Variants in TUBB4B observed in about 807,000 individuals in gnomAD.
TUBB4B encodes tubulin beta-4B chain.
Under a neutral mutation model 34.3 loss-of-function variants are expected in TUBB4B, and 7 were observed. The ratio of observed to expected loss-of-function variants is 0.20; its 90% CI spans 0.12 to 0.38. The LOEUF is 0.38. Ranked by LOEUF, TUBB4B falls within the 10% of genes least tolerant of loss-of-function variation. The probability of loss-of-function intolerance (pLI) is 1.00; values close to 1 mark genes in which losing one functional copy is unlikely to be tolerated. For synonymous variants in TUBB4B, 390 were observed against 250.2 expected, an observed-to-expected ratio of 1.56 and a Z score of -5.27; for missense variants, 178 against 610.9, an observed-to-expected ratio of 0.29 and a Z score of 7.47.
rs773245695 is a variant in TUBB4B at position 137,243,106 on chromosome 9, C to T, written c.888C>T (p.Ala296=). 3.1e-5 allele frequency: 50 copies of T among 1,612,882 alleles called. No individual in the cohort carries two copies. Among genetic ancestry groups the T allele is most frequent in the Non-Finnish European group, 4.1e-5 (48 of 1,180,042 alleles). The change falls in exon 4 of 4, where the codon GCC becomes GCT. Residue 296 remains alanine, a synonymous_variant. Coordinates refer to ENST00000340384, the MANE Select transcript of TUBB4B (RefSeq NM_006088.6). ...VPELTQQMFD[A]KNMMAACDPR... ...AGCTCACCCAGCAGATGTTTGATGC[C>T]AAGAACATGATGGCTGCCTGCGACC...
At position 137,243,518 on chromosome 9, in the gene TUBB4B, G is replaced by A. The variant is rs1836801436; in HGVS notation, c.1300G>A (p.Gly434Ser). ...QYQDATAEEE[G>S]EFEEEAEEEV... ...CCAGGATGCCACAGCCGAGGAGGAG[G>A]GCGAGTTCGAGGAGGAGGCTGAGGA... Residue 434 changes from glycine to serine, a missense_variant, in exon 4 of 4, where the codon GGC becomes AGC. Gly to Ser is a moderately conservative substitution (Grantham distance 56). Transcript: ENST00000340384. 1.2e-6 allele frequency: 2 copies of A among 1,613,970 alleles called. No homozygotes were observed. Among genetic ancestry groups the A allele is most frequent in the Non-Finnish European group, 8.5e-7 (1 of 1,180,028 alleles).
At chr9:137,241,583 G>T (rs960521280) in intron 1 of TUBB4B, 138 bp from the exon 2 acceptor site, 1 of 775,274 alleles carries the variant, frequency 1.3e-6, no homozygotes, top group Non-Finnish European at 1.6e-6. Flanking sequence ...CCAGGAACCC[G>T]GCGGCCAGGG....
intron 3 of TUBB4B, 95 bp from the exon 4 acceptor site, chr9:137,242,401 T>C: frequency 7.0e-7 from 1 of 1,436,086 alleles, no homozygotes; most frequent in Non-Finnish European, 9.5e-7. Flanking sequence ...AATTCTGTGG[T>C]CAGCTCACAC....
rs1446513007 is a variant in TUBB4B at position 137,243,550 on chromosome 9, G to A, written c.1332G>A (p.Val444=). ...TCGAGGAGGAGGCTGAGGAGGAGGT[G>A]GCCTAGAGCCTTCAGTCACTGGGGA... ...GEFEEEAEEE[V]A is the part of the protein sequence containing the mutation. Residue 444 remains valine (V), a synonymous_variant, in exon 4 of 4, where the codon GTG becomes GTA. Coordinates refer to ENST00000340384, the MANE Select transcript of TUBB4B (RefSeq NM_006088.6). 1.2e-6 allele frequency: 2 copies of A among 1,613,848 alleles called. No individual in the cohort carries two copies. The highest frequency in any genetic ancestry group is 2.2e-5 in the South Asian group (2 of 91,086).
chr9:137,242,451 T>C, intron 3 of TUBB4B, 45 bp from the exon 4 acceptor site: 1 of 1,590,070 alleles, frequency 6.3e-7, no homozygotes. Flanking sequence ...TGACCAGTAG[T>C]GCTGTCTACC....
Position 137,243,131 on chromosome 9 carries a change from C to T in TUBB4B, c.913C>T (p.Pro305Ser). Residue 305 changes from proline to serine, a missense_variant, in exon 4 of 4, where the codon CCC becomes TCC. Physicochemically the swap from Pro to Ser is moderately conservative, Grantham distance 74 (BLOSUM62 -1). Coordinates refer to ENST00000340384, the MANE Select transcript of TUBB4B (RefSeq NM_006088.6). ...DAKNMMAACD[P>S]RHGRYLTVAA... ...CAAGAACATGATGGCTGCCTGCGAC[C>T]CCCGCCATGGCCGCTACCTGACGGT... 1 of 1,613,042 alleles carries T rather than the reference C, an allele frequency of 6.2e-7. No homozygotes were observed. Among genetic ancestry groups the T allele is most frequent in the African/African-American group, 1.3e-5 (1 of 75,074 alleles).
At chr9:137,242,177 A>G (rs913218377) in intron 3 of TUBB4B, 156 bp downstream of exon 3, 4 of 786,414 alleles carry the variant, frequency 5.1e-6, no homozygotes, top group African/African-American at 1.8e-5. Flanking sequence ...AGCAAGGTCC[A>G]GCTGTCTGCC....
At position 137,243,596 on chromosome 9, in the gene TUBB4B, C is replaced by T. The variant is rs769359956; in HGVS notation, c.*40C>T. 5 of 1,613,328 alleles carry T rather than the reference C, an allele frequency of 3.1e-6. No individual in the cohort carries two copies. The highest frequency in any genetic ancestry group is 1.7e-5 in the Admixed American group (1 of 60,024). On this transcript the variant is annotated 3_prime_UTR_variant, in exon 4 of 4. Coordinates refer to ENST00000340384, the MANE Select transcript of TUBB4B (RefSeq NM_006088.6). ...GGGGAAAGCAGGGAAGCAGTGTGAA[C>T]TCTTTATTCACTCCCAGCCTGTCCT...
At chr9:137,242,068 T>A in intron 3 of TUBB4B, 47 bp downstream of exon 3, 3 of 1,572,914 alleles carry the variant, frequency 1.9e-6, no homozygotes, top group Non-Finnish European at 2.6e-6. Context: ...GTCAAGGGGC[T>A]GCTCCAAGGG....
At chr9:137,242,223 A>G in intron 3 of TUBB4B, 1 of 666,456 alleles carries the variant, frequency 1.5e-6, no homozygotes, top group Non-Finnish European at 2.5e-6. Context: ...ATCTCCCTGC[A>G]GGGAGCTGAG....
chr9:137,242,268 T>G, intron 3 of TUBB4B: 1 of 666,752 alleles, frequency 1.5e-6, no homozygotes, highest in Non-Finnish European at 2.5e-6. Flanking sequence ...CCTTGGGAAT[T>G]GGCAGTGGCC....
At chr9:137,241,582 C>T (rs1271768471) in intron 1 of TUBB4B, 139 bp from the exon 2 acceptor site, 5 of 669,778 alleles carry the variant, frequency 7.5e-6, no homozygotes, top group Non-Finnish European at 7.4e-6. Flanking sequence ...CCCAGGAACC[C>T]GGCGGCCAGG....
Position 137,241,343 on chromosome 9 carries a change from G to C in TUBB4B, c.-18G>C, listed in dbSNP as rs917824718. On this transcript the variant is annotated 5_prime_UTR_variant, in exon 1 of 4. Transcript: ENST00000340384. ...TTTGTCTACTTCCTCCTGCTTCCCC[G>C]CCGCCGCCGCCGCCATCATGAGGGA... 1.7e-5 allele frequency: 25 copies of C among 1,476,088 alleles called. No homozygotes were observed. The highest frequency in any genetic ancestry group is 1.7e-4 in the Admixed American group (9 of 54,536). The allele number at this position is 1,476,088 out of a possible 1,614,324, so 91.4% of individuals were successfully genotyped here.
chr9:137,241,383 A>C lies in TUBB4B; in HGVS notation c.23A>C (p.Gln8Pro). 1 of 1,602,366 alleles carries C rather than the reference A, an allele frequency of 6.2e-7. No individual in the cohort carries two copies. The highest frequency in any genetic ancestry group is 8.5e-7 in the Non-Finnish European group (1 of 1,176,698). The stretch of plus-strand genomic sequence containing the variant: ...ATCATGAGGGAAATCGTGCACTTGC[A>C]GGCCGGGCAGTGCGGCAACCAAATC... Reference protein sequence around the residue: MREIVHLQAGQCGNQIGA... With the variant: MREIVHLPAGQCGNQIGA... Residue 8 changes from glutamine to proline, a missense_variant, in exon 1 of 4, where the codon CAG becomes CCG. Physicochemically the swap from Gln to Pro is moderately conservative, Grantham distance 76. Transcript: ENST00000340384.
Position 137,241,390 on chromosome 9 carries a change from G to C in TUBB4B, c.30G>C (p.Gly10=). 6 of 1,601,050 alleles carry C rather than the reference G, an allele frequency of 3.7e-6. No homozygotes were observed. Among genetic ancestry groups the C allele is most frequent in the Non-Finnish European group, 5.1e-6 (6 of 1,176,026 alleles). ...GGGAAATCGTGCACTTGCAGGCCGGGCAGTGCGGCAACCAAATCGGCGCCA... is the reference window on the plus strand; with the variant it reads ...GGGAAATCGTGCACTTGCAGGCCGGCCAGTGCGGCAACCAAATCGGCGCCA... MREIVHLQA[G]QCGNQIGAKF... The change falls in exon 1 of 4, where the codon GGG becomes GGC. Residue 10 remains glycine, a synonymous_variant. Coordinates refer to ENST00000340384, the MANE Select transcript of TUBB4B (RefSeq NM_006088.6).
In TUBB4B at chr9:137,243,263, G is replaced by A; in HGVS notation, c.1045G>A (p.Val349Met). 2 of 1,613,576 alleles carry A rather than the reference G, an allele frequency of 1.2e-6. No homozygotes were observed. Among genetic ancestry groups the A allele is most frequent in the Non-Finnish European group, 1.7e-6 (2 of 1,180,020 alleles). The change falls in exon 4 of 4, where the codon GTG becomes ATG. Residue 349 changes from valine (V) to methionine (M), a missense_variant. Transcript: ENST00000340384. ...TTTTGTTGAGTGGATCCCCAACAAT[G>A]TGAAAACGGCTGTCTGTGACATCCC... ...SYFVEWIPNNVKTAVCDIPPR... is the reference protein window; with the variant it reads ...SYFVEWIPNNMKTAVCDIPPR...
chr9:137,242,259 C>T (rs551554863), intron 3 of TUBB4B: 18 of 667,092 alleles, frequency 2.7e-5, no homozygotes, highest in Non-Finnish European at 3.5e-5. Context: ...TTCCTCTGTC[C>T]TTGGGAATTG....
Position 137,242,776 on chromosome 9 carries a change from C to A in TUBB4B, c.558C>A (p.Thr186=). The A allele has an allele frequency of 6.2e-7, 1 of 1,613,860 alleles. No homozygotes were observed. Among genetic ancestry groups the A allele is most frequent in the South Asian group, 1.1e-5 (1 of 91,088 alleles). ...SDTVVEPYNA[T]LSVHQLVENT... is the part of the protein sequence containing the mutation. ...CAGTGGTGGAGCCCTACAACGCCAC[C>A]CTCTCAGTCCACCAGCTCGTAGAAA... is the stretch of plus-strand genomic sequence containing the variant. The change falls in exon 4 of 4, where the codon ACC becomes ACA. Residue 186 remains threonine (T), a synonymous_variant. Transcript: ENST00000340384.
In TUBB4B at chr9:137,241,682, C is replaced by T. The variant is rs758494485; in HGVS notation, c.58-39C>T. The T allele has an allele frequency of 3.8e-6, 6 of 1,558,962 alleles. No individual in the cohort carries two copies. The East Asian group carries it at 7.4e-5, about 19-fold the overall frequency. On this transcript the variant is annotated intron_variant, in intron 1 of 3. Coordinates refer to ENST00000340384, the MANE Select transcript of TUBB4B (RefSeq NM_006088.6). ...TCCCTGCGCACCGGCCGCGGTGACT[C>T]AGCCCCGGCCCGCCCGGGCCCGCCC... is the stretch of plus-strand genomic sequence containing the variant.
Sources: gnomAD v4.1 joint callset for allele counts on GRCh38, gnomAD v4.1.1 for gene constraint, MANE v1.5 for transcripts, NCBI Gene and HGNC (gene_info 2026-07-23, HGNC 2026-07-21) for gene names.